The following CHAF1A variants were observed in gnomAD, a reference collection of about 807,000 sequenced individuals.
CHAF1A encodes CAF-1 subunit A.
In CHAF1A, 5 loss-of-function variants were observed where a neutral mutation model predicts 93.2. The ratio of observed to expected loss-of-function variants is 0.05; its 90% CI spans 0.03 to 0.11. CHAF1A has a LOEUF of 0.11. CHAF1A is among the 10% of genes least tolerant of loss of function. CHAF1A has a pLI of 1.00. For missense variants in CHAF1A, 1,102 were observed against 1,259.9 expected (o/e 0.87, Z 1.90); for synonymous variants, 504 against 510.3 (o/e 0.99, Z 0.17).
In CHAF1A at chr19:4,402,762, G is replaced by A. The variant is rs1007419092; in HGVS notation, c.-1G>A. 5.8e-6 allele frequency: 7 copies of A among 1,203,726 alleles called. No homozygotes were observed. Among genetic ancestry groups the A allele is most frequent in the Non-Finnish European group, 6.2e-6 (6 of 969,732 alleles). 74.6% of individuals were successfully genotyped at this position (1,203,726 alleles called of 1,614,324 possible). On this transcript the variant is annotated 5_prime_UTR_variant, in exon 1 of 15. Transcript: ENST00000301280. ...GAGGAGGTCGAGCTGCCGCCGGGGC[G>A]ATGCTGGAGGAGCTGGAGTGCGGGG...
At chr19:4,431,115 GT>G (rs1974174822) in intron 11 of CHAF1A, 1 of 155,216 alleles carries the variant, frequency 6.4e-6, no homozygotes, top group Non-Finnish European at 1.4e-5. Flanking sequence ...ATTCCATAAG[GT>G]TGTGGAACTG....
Position 4,409,180 on chromosome 19 carries a change from A to G in CHAF1A, c.381A>G (p.Pro127=). 1 of 1,614,236 alleles carries G rather than the reference A, an allele frequency of 6.2e-7. No homozygotes were observed. The part of the protein sequence containing the change: ...IDLTEDSNEQ[P]DSLVDHNKLN... ...TGACAGAGGACTCGAATGAGCAGCC[A>G]GACAGTCTTGTGGACCACAATAAAC... Residue 127 remains proline, a synonymous_variant, in exon 3 of 15, where the codon CCA becomes CCG. Coordinates refer to ENST00000301280, the MANE Select transcript of CHAF1A (RefSeq NM_005483.3).
rs748250659 is a variant in CHAF1A at position 4,432,129 on chromosome 19, G to C, written c.2125G>C (p.Ala709Pro). 6.2e-7 allele frequency: 1 copy of C among 1,613,638 alleles called. No individual in the cohort carries two copies. Among genetic ancestry groups the C allele is most frequent in the Non-Finnish European group, 8.5e-7 (1 of 1,179,928 alleles). ...CCTGAAGGTACTGCAGCAGTTCGCA[G>C]CCTGCTTCCTGGAGACCCTGCCGGC... ...DDLKVLQQFAACFLETLPAQE... is the reference protein window; with the variant it reads ...DDLKVLQQFAPCFLETLPAQE... Residue 709 changes from alanine (A) to proline (P), a missense_variant, in exon 12 of 15, where the codon GCC (alanine) becomes CCC (proline). Around this residue, in one of 6 missense-constraint regions of CHAF1A, gnomAD observed 335 missense variants for 361.9 expected, o/e 0.93. Coordinates refer to ENST00000301280, the MANE Select transcript of CHAF1A (RefSeq NM_005483.3).
At chr19:4,427,136 C>CTTTTTTTTTTTTT (rs747750687) in intron 7 of CHAF1A, among the ~76,000 whole-genome samples, 786 of 31,948 alleles carry the variant, frequency 0.025, 147 homozygotes, top group Middle Eastern at 0.17. Context: ...AAGACCCTGT[C>CTTTTTTTTTTTTT]TTTTTTTTTT....
chr19:4,444,917 CAG>C (rs757721646), downstream of CHAF1A: 3 of 154,132 alleles, frequency 1.9e-5, no homozygotes, highest in Non-Finnish European at 4.3e-5. Context: ...CCCACCTTGA[CAG>C]GGAGCCACAC....
chr19:4,415,681 C>T (rs527448627), intron 3 of CHAF1A, among the ~76,000 whole-genome samples: 1 of 152,130 alleles, frequency 6.6e-6, no homozygotes, highest in Admixed American at 6.6e-5. Context: ...AGACTGAACA[C>T]CCTGGCCTGA....
intron 3 of CHAF1A, among the ~76,000 whole-genome samples, chr19:4,414,317 C>A (rs923159993): frequency 6.6e-6 from 1 of 150,682 alleles, no homozygotes; most frequent in African/African-American, 2.4e-5. Context: ...GGAAGGATCA[C>A]TTGAGCCAAG....
chr19:4,449,855 C>G (rs1974618924), downstream of CHAF1A: 1 of 152,164 alleles, frequency 6.6e-6, no homozygotes, highest in African/African-American at 2.4e-5. Flanking sequence ...CTCCATCCCA[C>G]CATGTTACAT....
chr19:4,411,932 A>T (rs1349819085), intron 3 of CHAF1A, among the ~76,000 whole-genome samples: 2 of 151,980 alleles, frequency 1.3e-5, no homozygotes, highest in Non-Finnish European at 2.9e-5. Flanking sequence ...TACAGGCATG[A>T]GCCACCGCCC....
intron 3 of CHAF1A, among the ~76,000 whole-genome samples, chr19:4,417,457 CTTTTTTTT>C: frequency 9.7e-6 from 1 of 103,102 alleles, no homozygotes; most frequent in South Asian, 4.0e-4. Flanking sequence ...CCAGCTGTCG[CTTTTTTTT>C]TTTTTTTTTT....
downstream of CHAF1A, chr19:4,445,689 CG>C (rs1393161691): frequency 1.3e-6 from 2 of 1,576,040 alleles, no homozygotes; most frequent in Non-Finnish European, 1.7e-6. Flanking sequence ...GGGAACTCAG[CG>C]GGCAACCTGG....
chr19:4,420,165 G>T (rs139204916), intron 4 of CHAF1A, among the ~76,000 whole-genome samples: 2 of 152,136 alleles, frequency 1.3e-5, no homozygotes, highest in Non-Finnish European at 2.9e-5. Context: ...GGCTCCAGAC[G>T]TGTGGGAAGC....
At chr19:4,411,374 C>T (rs941365873) in intron 3 of CHAF1A, among the ~76,000 whole-genome samples, 1 of 152,074 alleles carries the variant, frequency 6.6e-6, no homozygotes, top group Non-Finnish European at 1.5e-5. Flanking sequence ...GGATTAGAGG[C>T]ACCCGCCACC....
At chr19:4,413,082 A>T (rs905149547) in intron 3 of CHAF1A, among the ~76,000 whole-genome samples, 9 of 150,832 alleles carry the variant, frequency 6.0e-5, no homozygotes, top group South Asian at 4.2e-4. Flanking sequence ...TTTATTTTTT[A>T]TTTTTTTTGA....
chr19:4,433,402 C>T lies in CHAF1A; in HGVS notation c.2536C>T (p.Pro846Ser). Residue 846 changes from proline to serine, a missense_variant, in exon 13 of 15, where the codon CCC becomes TCC. Coordinates refer to ENST00000301280, the MANE Select transcript of CHAF1A (RefSeq NM_005483.3). The surrounding 1 kb of genome is among the most constrained non-coding windows in gnomAD (Gnocchi z 5.6). ...CCAGTGGAGCTATGTGACATCGGTG[C>T]CCTCGGCCCCCAAAGAGGACAGTGG... ...PCQWSYVTSVPSAPKEDSGSV... is the reference protein window; with the variant it reads ...PCQWSYVTSVSSAPKEDSGSV... 1 of 1,612,580 alleles carries T rather than the reference C, an allele frequency of 6.2e-7. No homozygotes were observed. Among genetic ancestry groups the T allele is most frequent in the Non-Finnish European group, 8.5e-7 (1 of 1,178,832 alleles).
At chr19:4,415,048 G>A (rs1349829818) in intron 3 of CHAF1A, among the ~76,000 whole-genome samples, 2 of 152,066 alleles carry the variant, frequency 1.3e-5, no homozygotes, top group Non-Finnish European at 2.9e-5. Context: ...GCTCTGTCGC[G>A]ACTCCTTGGG....
intron 13 of CHAF1A, among the ~76,000 whole-genome samples, chr19:4,440,128 T>A (rs1974358406): frequency 6.6e-6 from 1 of 152,172 alleles, no homozygotes; most frequent in Non-Finnish European, 1.5e-5. Flanking sequence ...TTTCTAGGTT[T>A]TTGTAGAGGA....
At chr19:4,424,903 G>A (rs553118680) in intron 7 of CHAF1A, among the ~76,000 whole-genome samples, 71 of 152,262 alleles carry the variant, frequency 4.7e-4, no homozygotes, top group Non-Finnish European at 9.1e-4. Flanking sequence ...CCGAAGTGCC[G>A]GGATTATAGG....
chr19:4,418,188 T>C (rs1362316235), intron 4 of CHAF1A, 112 bp downstream of exon 4: 2 of 641,914 alleles, frequency 3.1e-6, no homozygotes, highest in African/African-American at 3.7e-5. Flanking sequence ...TCCCCAGCCT[T>C]CTCTGACCAT....
Sources: allele counts gnomAD v4.1 joint callset (sites outside exome capture counted in the v4.1 genomes callset), GRCh38; gene constraint gnomAD v4.1.1; regional missense constraint gnomAD v4.1.1; non-coding constraint Gnocchi (gnomAD v3.1); transcripts MANE v1.5; gene names NCBI Gene and HGNC (gene_info 2026-07-23, HGNC 2026-07-21).